Variants in LRP1B observed in about 807,000 individuals in gnomAD.
The protein encoded by LRP1B is LDL receptor related protein 1B.
LRP1B carries 217 observed loss-of-function variants against 556.6 expected under a neutral mutation model. The observed-to-expected ratio is 0.39, with a 90% CI of 0.35 to 0.44. The LOEUF (loss-of-function observed/expected upper bound fraction) is 0.44. Among genes scored for constraint, LRP1B ranks in the 20% least tolerant of loss-of-function variants. LRP1B has a pLI of 1.00. For missense variants in LRP1B, 5,053 were observed against 5,620.8 expected (o/e 0.90, Z 3.23); for synonymous variants, 2,047 against 1,865.8 (o/e 1.10, Z -2.50).
Position 140,806,010 on chromosome 2 carries a change from A to G in LRP1B, c.5359+7647T>C, listed in dbSNP as rs562470604. Among the ~76,000 whole-genome samples, 28 of 152,230 alleles carry G rather than the reference A, an allele frequency of 1.8e-4. No individual in the cohort carries two copies. In the East Asian group the frequency reaches 5.4e-3, roughly 29 times the overall value. Reference sequence around the variant, plus strand: ...TGGAAGGTAATTTGGTCATGAGGGTAAAGACCTCATGAATGAAATTAGTGA... The same window carrying G: ...TGGAAGGTAATTTGGTCATGAGGGTGAAGACCTCATGAATGAAATTAGTGA... On this transcript the variant is annotated intron_variant, in intron 32 of 90. Coordinates refer to ENST00000389484, the MANE Select transcript of LRP1B (RefSeq NM_018557.3).
chr2:141,908,678 A>G (rs1699825546), intron 1 of LRP1B, among the ~76,000 whole-genome samples: 3 of 152,130 alleles, frequency 2.0e-5, no homozygotes, highest in Admixed American at 6.6e-5. Flanking sequence ...TTCTAATAAT[A>G]TCCTCTAAGT....
intron 2 of LRP1B, among the ~76,000 whole-genome samples, chr2:141,625,450 T>A (rs193289): frequency 0.68 from 103,743 of 152,038 alleles, 36,128 homozygotes; most frequent in East Asian, 0.77. Context: ...GAAAACATTA[T>A]CTACTCCGTA....
chr2:141,637,016 G>C (rs1689128571), intron 2 of LRP1B, among the ~76,000 whole-genome samples: 1 of 152,088 alleles, frequency 6.6e-6, no homozygotes, highest in Non-Finnish European at 1.5e-5. Context: ...TAAATGTTTT[G>C]TTTTGTATAA....
intron 6 of LRP1B, among the ~76,000 whole-genome samples, chr2:141,190,382 G>A (rs111916164): frequency 3.9e-5 from 6 of 151,980 alleles, no homozygotes; most frequent in East Asian, 1.9e-4. Context: ...TTGCCCCTAC[G>A]CTATTCTCAA....
intron 18 of LRP1B, among the ~76,000 whole-genome samples, chr2:140,956,513 A>C (rs1459139924): frequency 6.6e-6 from 1 of 151,794 alleles, no homozygotes; most frequent in African/African-American, 2.4e-5. Flanking sequence ...TGGTGCTTTT[A>C]AAGATTACAC....
chr2:140,959,280 T>C (rs987332834), intron 18 of LRP1B, among the ~76,000 whole-genome samples: 6 of 151,624 alleles, frequency 4.0e-5, no homozygotes, highest in African/African-American at 1.4e-4. Context: ...TGGTAATCTT[T>C]CTTTAAGAGG....
chr2:140,328,953 CAATT>C (rs1190387947), intron 79 of LRP1B, among the ~76,000 whole-genome samples: 7 of 152,122 alleles, frequency 4.6e-5, no homozygotes, highest in South Asian at 2.1e-4. Context: ...TTGAATCAAA[CAATT>C]AATTATGAGT....
chr2:142,056,689 T>C (rs1390536390), intron 1 of LRP1B, among the ~76,000 whole-genome samples: 1 of 152,124 alleles, frequency 6.6e-6, no homozygotes, highest in Admixed American at 6.6e-5. Context: ...ATTGTTATTT[T>C]GTCCTTGCCA....
intron 1 of LRP1B, among the ~76,000 whole-genome samples, chr2:141,959,195 C>A (rs1444475330): frequency 6.6e-6 from 1 of 151,922 alleles, no homozygotes; most frequent in African/African-American, 2.4e-5. Context: ...GGATAGCAGA[C>A]AAGGTGCTAA....
chr2:141,896,380 ACTAACT>A (rs1357766802), intron 1 of LRP1B, among the ~76,000 whole-genome samples: 3 of 152,198 alleles, frequency 2.0e-5, no homozygotes, highest in Admixed American at 6.6e-5. Context: ...CTAAATCTAA[ACTAACT>A]CTAACTTAAA....
chr2:141,731,661 C>T (rs1003098314), intron 2 of LRP1B, among the ~76,000 whole-genome samples: 1 of 152,076 alleles, frequency 6.6e-6, no homozygotes, highest in Non-Finnish European at 1.5e-5. Context: ...GGTTTCCAGC[C>T]TCTCGAGCTA....
At chr2:140,313,926 A>T (rs983643336) in intron 83 of LRP1B, among the ~76,000 whole-genome samples, 1 of 151,976 alleles carries the variant, frequency 6.6e-6, no homozygotes, top group Non-Finnish European at 1.5e-5. Context: ...TTATGAATTA[A>T]TAAGAAAATA....
At chr2:140,610,397 T>G (rs1048312513) in intron 41 of LRP1B, among the ~76,000 whole-genome samples, 2 of 152,144 alleles carry the variant, frequency 1.3e-5, no homozygotes, top group Non-Finnish European at 2.9e-5. Context: ...TATTTCTGAA[T>G]CCACTGAATG....
intron 41 of LRP1B, chr2:140,683,446 C>G: frequency 1.8e-6 from 1 of 548,838 alleles, no homozygotes; most frequent in Non-Finnish European, 3.5e-6. Context: ...CACCTGGGGT[C>G]ATAGATCATG....
intron 1 of LRP1B, among the ~76,000 whole-genome samples, chr2:142,072,278 C>T (rs1413738714): frequency 6.6e-6 from 1 of 151,868 alleles, no homozygotes; most frequent in Non-Finnish European, 1.5e-5. Flanking sequence ...TTTTTCTTAC[C>T]TTTGCTCATA....
intron 1 of LRP1B, among the ~76,000 whole-genome samples, chr2:142,037,607 T>C (rs1703927417): frequency 1.3e-5 from 2 of 151,582 alleles, no homozygotes; most frequent in South Asian, 4.1e-4. Context: ...GATGGGACAA[T>C]CTGGTTCAGG....
chr2:140,509,891 G>C (rs1689579677), intron 52 of LRP1B, 37 bp downstream of exon 52: 1 of 1,591,408 alleles, frequency 6.3e-7, no homozygotes, highest in Non-Finnish European at 8.5e-7. Flanking sequence ...TGCTGCAACA[G>C]TTTTCTTTGA....
chr2:141,845,666 A>C lies in LRP1B; in HGVS notation c.83-35265T>G, dbSNP rs892954704. Among the ~76,000 whole-genome samples the C allele has an allele frequency of 1.3e-4, 19 of 151,876 alleles. 1 individual carries two copies. Among genetic ancestry groups the C allele is most frequent in the Middle Eastern group, 3.2e-3 (1 of 316 alleles). ...CTCTGAGGGTAGACATTTCTAGCCA[A>C]AGCTGAGACATTAAATGCAAAAAGT... On this transcript the variant is annotated intron_variant, in intron 1 of 90. Coordinates refer to ENST00000389484, the MANE Select transcript of LRP1B (RefSeq NM_018557.3).
chr2:140,959,749 C>T (rs1443370500), intron 18 of LRP1B, among the ~76,000 whole-genome samples: 1 of 151,350 alleles, frequency 6.6e-6, no homozygotes, highest in Non-Finnish European at 1.5e-5. Flanking sequence ...TTTAGTGTGC[C>T]TACAACACTA....
Sources: allele counts gnomAD v4.1 joint callset (sites outside exome capture counted in the v4.1 genomes callset), GRCh38; gene constraint gnomAD v4.1.1; transcripts MANE v1.5; gene names NCBI Gene and HGNC (gene_info 2026-07-23, HGNC 2026-07-21).